OPHN1: variants seen among roughly 807,000 people sequenced by gnomAD.
OPHN1 encodes oligophrenin 1.
Under a neutral mutation model 60.7 loss-of-function variants are expected in OPHN1, and 11 were observed. That is an observed-to-expected ratio of 0.18 (90% CI 0.11 to 0.30). The LOEUF (loss-of-function observed/expected upper bound fraction) is 0.30, where lower values mean the gene tolerates loss of function less well. Ranked by LOEUF, OPHN1 falls within the 10% of genes least tolerant of loss-of-function variation. The probability of loss-of-function intolerance (pLI) is 1.00; values close to 1 mark genes in which losing one functional copy is unlikely to be tolerated. For missense variants in OPHN1, 449 were observed against 611.0 expected (o/e 0.73, Z 2.80); for synonymous variants, 226 against 222.6 (o/e 1.02, Z -0.14).
chrX:68,231,947 G>A (rs1297760729), intron 6 of OPHN1, among the ~76,000 whole-genome samples: 1 of 112,003 alleles, frequency 8.9e-6, no homozygotes, highest in Non-Finnish European at 1.9e-5. Flanking sequence ...TCACACAAAT[G>A]CAAGATGATC....
intron 2 of OPHN1, among the ~76,000 whole-genome samples, chrX:68,423,322 G>C (rs151229760): frequency 8.9e-6 from 1 of 111,745 alleles, no homozygotes; most frequent in Non-Finnish European, 1.9e-5. Flanking sequence ...ACCGCGCCCA[G>C]CCATAGATGT....
intron 19 of OPHN1, among the ~76,000 whole-genome samples, chrX:68,083,120 C>T (rs1195791704): frequency 1.3e-5 from 1 of 77,800 alleles, no homozygotes; most frequent in Non-Finnish European, 2.3e-5. Flanking sequence ...GGCCGGACTG[C>T]GGACTGCAGT....
intron 15 of OPHN1, among the ~76,000 whole-genome samples, chrX:68,140,537 G>C (rs182730852): frequency 3.1e-3 from 347 of 110,358 alleles, no homozygotes; most frequent in Non-Finnish European, 5.0e-3. Context: ...GGGTGATACA[G>C]AATGGCTGGG....
At position 68,433,158 on chromosome X, in the gene OPHN1, G is replaced by T; in HGVS notation, c.-5+10C>A. The T allele has an allele frequency of 1.6e-6, 1 of 638,252 alleles. No homozygotes were observed. Among genetic ancestry groups the T allele is most frequent in the Non-Finnish European group, 2.3e-6 (1 of 430,930 alleles). 52.6% of individuals were successfully genotyped at this position (638,252 alleles called of 1,213,427 possible). On this transcript the variant is annotated intron_variant, in intron 1 of 24. Coordinates refer to ENST00000355520, the MANE Select transcript of OPHN1 (RefSeq NM_002547.3). The stretch of plus-strand genomic sequence containing the variant: ...AGCTCATAGCCTCCGTCCCTTTGGA[G>T]GACAGGTACCTGTTTCAGTGAGACT...
chrX:68,208,331 T>C (rs1330692095), intron 9 of OPHN1, among the ~76,000 whole-genome samples: 2 of 111,152 alleles, frequency 1.8e-5, no homozygotes, highest in Non-Finnish European at 1.9e-5. Flanking sequence ...CCTCCAGTGA[T>C]CTGCCGTCTC....
chrX:68,127,786 T>A (rs2077177781), intron 15 of OPHN1, among the ~76,000 whole-genome samples: 1 of 111,555 alleles, frequency 9.0e-6, no homozygotes. Context: ...TCTAGAAACA[T>A]CTGAGAAGCT....
chrX:68,175,082 CAA>C (rs1053433402), intron 15 of OPHN1, among the ~76,000 whole-genome samples: 1 of 91,327 alleles, frequency 1.1e-5, no homozygotes. Context: ...GACTCTGTCT[CAA>C]AAAAAAAAGA....
rs1325994264 is a variant in OPHN1, at chrX:68,098,788, G to A, written c.1527-1759C>T. Among the ~76,000 whole-genome samples, 30 of 111,662 alleles carry A rather than the reference G, an allele frequency of 2.7e-4. No individual in the cohort carries two copies. In the Admixed American group the frequency reaches 2.9e-3, roughly 11 times the overall value. On this transcript the variant is annotated intron_variant, in intron 18 of 24. Transcript: ENST00000355520. Reference sequence around the variant, plus strand: ...AAGGCTAAACCACAAGGGCACTTGTGTATCTCCTTTTGTGAACTTTGAAAG... The same window carrying A: ...AAGGCTAAACCACAAGGGCACTTGTATATCTCCTTTTGTGAACTTTGAAAG...
At chrX:68,200,519 C>G (rs771927270) in intron 11 of OPHN1, among the ~76,000 whole-genome samples, 6 of 111,364 alleles carry the variant, frequency 5.4e-5, no homozygotes, top group African/African-American at 9.8e-5. Flanking sequence ...CTGAGGCTAT[C>G]AGGAAAATGA....
At chrX:68,060,739 A>G (rs1428690867) in intron 21 of OPHN1, among the ~76,000 whole-genome samples, 1 of 111,963 alleles carries the variant, frequency 8.9e-6, no homozygotes, top group East Asian at 2.8e-4. Flanking sequence ...ACTGATCCTC[A>G]GGATGGCAGG....
rs766331200 is a variant in OPHN1, at chrX:68,353,408, GA to G, written c.155-54313del. On this transcript the variant is annotated intron_variant, in intron 2 of 24. Coordinates refer to ENST00000355520, the MANE Select transcript of OPHN1 (RefSeq NM_002547.3). Reference sequence around the variant, plus strand: ...ACATGGTGAAACCCCGTCTCTACAGGAAAAAAAAAAAAAAAAAAAAAAAGCC... The same window carrying G: ...ACATGGTGAAACCCCGTCTCTACAGGAAAAAAAAAAAAAAAAAAAAAAGCC... Among the ~76,000 whole-genome samples the G allele has an allele frequency of 9.3e-3, 449 of 48,141 alleles. 4 individuals carry two copies. The highest frequency in any genetic ancestry group is 0.025 in the African/African-American group (366 of 14,449). 41.8% of individuals were successfully genotyped at this position (48,141 alleles called of 115,157 possible). A position where few individuals can be genotyped will look rare whatever the true frequency, so the allele number is the denominator to read the frequency against.
intron 19 of OPHN1, among the ~76,000 whole-genome samples, chrX:68,091,942 C>T (rs1269184341): frequency 9.0e-6 from 1 of 110,705 alleles, no homozygotes; most frequent in Non-Finnish European, 1.9e-5. Context: ...CTATTATTTA[C>T]CTACTTTCCA....
chrX:68,392,607 C>G (rs927629750), intron 2 of OPHN1, among the ~76,000 whole-genome samples: 1 of 110,003 alleles, frequency 9.1e-6, no homozygotes, highest in Non-Finnish European at 1.9e-5. Flanking sequence ...CCTGTTTTCA[C>G]GCCCAAAACA....
chrX:68,226,084 C>T (rs746799234), intron 6 of OPHN1, among the ~76,000 whole-genome samples: 8 of 111,824 alleles, frequency 7.2e-5, no homozygotes, highest in Non-Finnish European at 9.4e-5. Context: ...ATGACACATG[C>T]ACAAGCTTCA....
chrX:68,166,750 T>A (rs184736796), intron 15 of OPHN1, among the ~76,000 whole-genome samples: 33 of 111,445 alleles, frequency 3.0e-4, no homozygotes, highest in Non-Finnish European at 5.5e-4. Flanking sequence ...TACAGTGAAC[T>A]CATTATTGAT....
intron 5 of OPHN1, among the ~76,000 whole-genome samples, chrX:68,255,783 G>C (rs2077860143): frequency 9.1e-6 from 1 of 110,028 alleles, no homozygotes; most frequent in South Asian, 3.9e-4. Flanking sequence ...CTGTCTCTTT[G>C]AAGAACCCTA....
intron 21 of OPHN1, among the ~76,000 whole-genome samples, chrX:68,063,022 C>T (rs895581038): frequency 1.8e-5 from 2 of 111,212 alleles, no homozygotes; most frequent in African/African-American, 3.3e-5. Flanking sequence ...AACAAGGGTT[C>T]ACAGATTCAT....
At chrX:68,172,507 G>A (rs1236832755) in intron 15 of OPHN1, among the ~76,000 whole-genome samples, 1 of 111,185 alleles carries the variant, frequency 9.0e-6, no homozygotes, top group Admixed American at 9.6e-5. Flanking sequence ...CTTATTGGGG[G>A]CATAAAAATC....
chrX:68,323,728 T>C (rs907476590), intron 2 of OPHN1, among the ~76,000 whole-genome samples: 2 of 112,031 alleles, frequency 1.8e-5, no homozygotes, highest in African/African-American at 6.5e-5. Flanking sequence ...TGAAGATAAA[T>C]GCAAAAATCC....
Sources: gnomAD v4.1 joint callset for allele counts (sites outside exome capture counted in the v4.1 genomes callset) on GRCh38, gnomAD v4.1.1 for gene constraint, MANE v1.5 for transcripts, NCBI Gene and HGNC (gene_info 2026-07-23, HGNC 2026-07-21) for gene names.